The following SMPD3 variants were observed in gnomAD, a reference collection of about 807,000 sequenced individuals.
SMPD3 encodes sphingomyelin phosphodiesterase 3, also known as nSMase-2.
In SMPD3, 21 loss-of-function variants were observed where a neutral mutation model predicts 55.7. The observed-to-expected ratio is 0.38, with a 90% CI of 0.27 to 0.54. The LOEUF is 0.54. Among genes scored for constraint, SMPD3 ranks in the 20% least tolerant of loss-of-function variants. The probability of loss-of-function intolerance (pLI) is 0.80; values close to 1 mark genes in which losing one functional copy is unlikely to be tolerated. For missense variants in SMPD3, 842 were observed against 899.6 expected (o/e 0.94, Z 0.82); for synonymous variants, 457 against 404.3 (o/e 1.13, Z -1.56).
chr16:68,418,840 G>A (rs1703662174), intron 1 of SMPD3, among the ~76,000 whole-genome samples: 1 of 152,186 alleles, frequency 6.6e-6, no homozygotes, highest in African/African-American at 2.4e-5. Context: ...TCTAAAGATG[G>A]GTCTGGACTT....
intron 3 of SMPD3, 112 bp downstream of exon 3, chr16:68,370,734 GCCTCCCACTCCAA>G (rs1014840169): frequency 1.7e-5 from 22 of 1,281,388 alleles, no homozygotes; most frequent in Non-Finnish European, 2.0e-5. Context: ...GACCGCGTCT[GCCTCCCACTCCAA>G]CCTCCCACTC....
intron 1 of SMPD3, among the ~76,000 whole-genome samples, chr16:68,432,360 G>A (rs2090487444): frequency 2.6e-5 from 4 of 152,118 alleles, no homozygotes; most frequent in Admixed American, 2.6e-4. Flanking sequence ...TTATATAAGA[G>A]AAATTATATG....
Position 68,363,858 on chromosome 16 carries a change from G to C in SMPD3, c.1564C>G (p.Leu522Val). 6.4e-7 allele frequency: 1 copy of C among 1,563,552 alleles called. No homozygotes were observed. The highest frequency in any genetic ancestry group is 8.7e-7 in the Non-Finnish European group (1 of 1,153,882). ...GTGAACAGGGAGTGTTGCTGCTCCA[G>C]CTTGTCGTCTGTGCGGGGAGGGAGG... ...NFDNCSSDDKLEQQHSLFTHY... is the reference protein window; with the variant it reads ...NFDNCSSDDKVEQQHSLFTHY... The change falls in exon 6 of 9, where the codon CTG (leucine) becomes GTG (valine). Residue 522 changes from leucine (L) to valine (V), a missense_variant. Coordinates refer to ENST00000219334, the MANE Select transcript of SMPD3 (RefSeq NM_018667.4).
chr16:68,371,479 C>T lies in SMPD3; in HGVS notation c.703G>A (p.Asp235Asn), dbSNP rs371270754. The change falls in exon 3 of 9, where the codon GAC becomes AAC. Residue 235 changes from aspartate (D) to asparagine (N), a missense_variant. By Grantham distance (23) the Asp-to-Asn change is conservative. This residue lies in a region of SMPD3 where 649 missense variants were observed against 643.6 expected (regional missense o/e 1.01). Transcript: ENST00000219334. The stretch of plus-strand genomic sequence containing the variant: ...CAGGCATCCTCCGGGCTGCTGCTGT[C>T]GACAGGGTCCCCAGAGGCTGGGCCG... ...ANGPASGDPV[D>N]SSSPEDACIV... 1.3e-5 allele frequency: 20 copies of T among 1,598,204 alleles called. No homozygotes were observed. Among genetic ancestry groups the T allele is most frequent in the African/African-American group, 1.1e-4 (8 of 74,854 alleles).
At chr16:68,401,796 G>A (rs772513426) in intron 1 of SMPD3, among the ~76,000 whole-genome samples, 4 of 152,142 alleles carry the variant, frequency 2.6e-5, no homozygotes, top group Admixed American at 6.5e-5. Context: ...TGCCTTCGTC[G>A]CAGATCTTTA....
intron 1 of SMPD3, among the ~76,000 whole-genome samples, chr16:68,440,552 C>G (rs1447232030): frequency 6.6e-6 from 1 of 152,194 alleles, no homozygotes; most frequent in African/African-American, 2.4e-5. Flanking sequence ...TAAAGAATAC[C>G]TGAAATCCCA....
In SMPD3 at chr16:68,360,568, T is replaced by C. The variant is rs2089197104; in HGVS notation, c.*638A>G. On this transcript the variant is annotated 3_prime_UTR_variant, in exon 9 of 9. Coordinates refer to ENST00000219334, the MANE Select transcript of SMPD3 (RefSeq NM_018667.4). ...TGTGATTAACCTTTTTCTGTTTTTC[T>C]TTTTAAAATGTAATTGCCCTTGAAT... 1 of 153,000 alleles carries C rather than the reference T, an allele frequency of 6.5e-6. No homozygotes were observed. Among genetic ancestry groups the C allele is most frequent in the Admixed American group, 6.5e-5 (1 of 15,290 alleles). 9.5% of individuals were successfully genotyped at this position (153,000 alleles called of 1,614,324 possible).
intron 1 of SMPD3, among the ~76,000 whole-genome samples, chr16:68,401,707 G>A (rs938502478): frequency 6.6e-6 from 1 of 152,166 alleles, no homozygotes; most frequent in Non-Finnish European, 1.5e-5. Context: ...GGCCAGAACA[G>A]GAGAATTTCA....
At chr16:68,446,559 A>C (rs1352953401) in intron 1 of SMPD3, among the ~76,000 whole-genome samples, 1 of 152,154 alleles carries the variant, frequency 6.6e-6, no homozygotes, top group Non-Finnish European at 1.5e-5. Flanking sequence ...ACACACATGA[A>C]GACTGAAACA....
chr16:68,448,050 C>G (rs78959735), intron 1 of SMPD3, among the ~76,000 whole-genome samples: 2,814 of 152,266 alleles, frequency 0.018, 34 homozygotes, highest in Non-Finnish European at 0.027. Flanking sequence ...CGAGCAGCCC[C>G]GTCGCCAGGC....
intron 2 of SMPD3, among the ~76,000 whole-genome samples, chr16:68,385,561 C>T (rs1379853751): frequency 6.6e-6 from 1 of 152,110 alleles, no homozygotes; most frequent in East Asian, 1.9e-4. Flanking sequence ...TTTCTTCCAT[C>T]CAGTCACCAC....
chr16:68,372,907 A>C (rs553596520), intron 2 of SMPD3, among the ~76,000 whole-genome samples: 1 of 152,078 alleles, frequency 6.6e-6, no homozygotes, highest in South Asian at 2.1e-4. Context: ...GGGGCCAGAG[A>C]CTCCTGGAGC....
At chr16:68,446,285 A>G (rs1035923159) in intron 1 of SMPD3, among the ~76,000 whole-genome samples, 2 of 152,200 alleles carry the variant, frequency 1.3e-5, no homozygotes, top group Non-Finnish European at 2.9e-5. Context: ...AAGGCTCCAC[A>G]TAGTTGTGAA....
chr16:68,377,363 G>A (rs2089841711), intron 2 of SMPD3, among the ~76,000 whole-genome samples: 1 of 152,206 alleles, frequency 6.6e-6, no homozygotes, highest in Non-Finnish European at 1.5e-5. Flanking sequence ...GGACCCAGGT[G>A]GCCACAGCCC....
chr16:68,406,986 C>T (rs975090218), intron 1 of SMPD3, among the ~76,000 whole-genome samples: 1 of 152,174 alleles, frequency 6.6e-6, no homozygotes, highest in African/African-American at 2.4e-5. Context: ...CTTGTAAAAT[C>T]GGATGGCTGT....
chr16:68,441,074 T>C (rs929024233), intron 1 of SMPD3, among the ~76,000 whole-genome samples: 4 of 152,260 alleles, frequency 2.6e-5, no homozygotes, highest in Non-Finnish European at 5.9e-5. Flanking sequence ...GAAAATTGTC[T>C]GCTTGCTCTC....
At chr16:68,363,623 G>A in intron 6 of SMPD3, 64 bp from the exon 7 acceptor site, 1 of 1,518,634 alleles carries the variant, frequency 6.6e-7, no homozygotes, top group East Asian at 2.3e-5. Flanking sequence ...TCTAGGGGGT[G>A]GCCTCTGTGG....
chr16:68,419,294 A>G (rs2090368521), intron 1 of SMPD3, among the ~76,000 whole-genome samples: 1 of 152,206 alleles, frequency 6.6e-6, no homozygotes, highest in African/African-American at 2.4e-5. Context: ...CACTGCAGGG[A>G]CTGGCTGAAG....
chr16:68,397,340 C>T (rs2090166408), intron 1 of SMPD3, among the ~76,000 whole-genome samples: 1 of 152,152 alleles, frequency 6.6e-6, no homozygotes, highest in Non-Finnish European at 1.5e-5. Context: ...TGAATTCATC[C>T]ATCAACTGTT....
Sources: allele counts gnomAD v4.1 joint callset (sites outside exome capture counted in the v4.1 genomes callset), GRCh38; gene constraint gnomAD v4.1.1; regional missense constraint gnomAD v4.1.1; transcripts MANE v1.5; gene names NCBI Gene and HGNC (gene_info 2026-07-23, HGNC 2026-07-21).